PROM1: variants seen among roughly 807,000 people sequenced by gnomAD.
PROM1 encodes the protein prominin-1.
In PROM1, 105 loss-of-function variants were observed where a neutral mutation model predicts 116.9. That is an observed-to-expected ratio of 0.90 (90% CI 0.77 to 1.06). The LOEUF (loss-of-function observed/expected upper bound fraction) is 1.06, where lower values mean the gene tolerates loss of function less well. Ranked by LOEUF, PROM1 falls within the 50% of genes least tolerant of loss-of-function variation. The pLI, the probability that PROM1 is intolerant of heterozygous loss-of-function variation, is 0.00. For synonymous variants in PROM1, 393 were observed against 387.0 expected (o/e 1.02, Z -0.18); for missense variants, 1,122 against 1,045.2 (o/e 1.07, Z -1.01).
rs1249108943 is a variant in PROM1, at chr4:15,992,341, A to G, written c.1818T>C (p.Asn606=). ...TTCCTGCTGCACCCAACAGAAAGAT[A>G]TTAAGATTTACCTTCAGACTTTCCA... is the stretch of plus-strand genomic sequence containing the variant. ...SELESLKVNL[N]IFLLGAAGRK... The change falls in exon 17 of 28, where the codon AAT becomes AAC. Residue 606 remains asparagine, a synonymous_variant. Transcript: ENST00000447510. 5 of 1,613,972 alleles carry G rather than the reference A, an allele frequency of 3.1e-6. No homozygotes were observed. The highest frequency in any genetic ancestry group is 4.2e-6 in the Non-Finnish European group (5 of 1,179,868).
At chr4:15,980,606 A>ATTTTTTTTT (rs200645062) in intron 23 of PROM1, 69 bp from the exon 24 acceptor site, 1 of 639,302 alleles carries the variant, frequency 1.6e-6, no homozygotes, top group Non-Finnish European at 2.4e-6. Flanking sequence ...TGTTTGGGGG[A>ATTTTTTTTT]TTTTTTTTTT....
chr4:16,034,150 A>G (rs1733453563), intron 4 of PROM1, among the ~76,000 whole-genome samples: 1 of 152,210 alleles, frequency 6.6e-6, no homozygotes, highest in Non-Finnish European at 1.5e-5. Context: ...CAATCTACAT[A>G]TAAGGCGCTT....
rs1217220707 is a variant in PROM1, at chr4:15,987,648, A to G, written c.2130+15T>C. On this transcript the variant is annotated intron_variant, in intron 20 of 27. Transcript: ENST00000447510. ...ATAACAAAACCCCATGACAGAAAAC[A>G]AAGTAAACCCTTACCAACAATCCAT... is the stretch of plus-strand genomic sequence containing the variant. 3.1e-6 allele frequency: 5 copies of G among 1,606,586 alleles called. No individual in the cohort carries two copies. The highest frequency in any genetic ancestry group is 4.2e-6 in the Non-Finnish European group (5 of 1,176,538).
rs752643119 is a variant in PROM1 at position 16,013,280 on chromosome 4, A to G, written c.1136T>C (p.Val379Ala). ...DRVQRQTTTV[V>A]AGIKRVLNSI... Reference sequence around the variant, plus strand: ...CCTCAAACTGTGAATCTCACCTGCTACGACAGTCGTGGTTTGGCGTTGTAC... The same window carrying G: ...CCTCAAACTGTGAATCTCACCTGCTGCGACAGTCGTGGTTTGGCGTTGTAC... The change falls in exon 11 of 28, where the codon GTA (valine) becomes GCA (alanine). Residue 379 changes from valine (V) to alanine (A), a missense_variant. Val to Ala is a moderately conservative substitution (Grantham distance 64, BLOSUM62 0). Transcript: ENST00000447510. 4.4e-6 allele frequency: 7 copies of G among 1,603,072 alleles called. No homozygotes were observed. Among genetic ancestry groups the G allele is most frequent in the Non-Finnish European group, 6.0e-6 (7 of 1,170,014 alleles).
At chr4:16,011,251 T>C in intron 11 of PROM1, among the ~76,000 whole-genome samples, 1 of 152,274 alleles carries the variant, frequency 6.6e-6, no homozygotes, top group East Asian at 1.9e-4. Flanking sequence ...CTTGTTTCCC[T>C]GACACAAACC....
intron 2 of PROM1, among the ~76,000 whole-genome samples, chr4:16,061,458 G>A (rs1210915770): frequency 6.6e-6 from 1 of 152,148 alleles, no homozygotes; most frequent in Non-Finnish European, 1.5e-5. Context: ...TGATTCAAAT[G>A]TATGTATACA....
At chr4:16,015,387 A>C (rs1221480982) in intron 10 of PROM1, among the ~76,000 whole-genome samples, 1 of 142,732 alleles carries the variant, frequency 7.0e-6, no homozygotes, top group Non-Finnish European at 1.5e-5. Flanking sequence ...GTGATATATG[A>C]AGCTTAAAAA....
At chr4:16,042,534 G>T (rs142984150) in intron 2 of PROM1, among the ~76,000 whole-genome samples, 1 of 152,112 alleles carries the variant, frequency 6.6e-6, no homozygotes, top group African/African-American at 2.4e-5. Flanking sequence ...CTGACTTCAC[G>T]ACTATGTGCT....
At chr4:16,061,026 A>ATTACTGTTAAGTAG (rs1740188330) in intron 2 of PROM1, among the ~76,000 whole-genome samples, 1 of 152,150 alleles carries the variant, frequency 6.6e-6, no homozygotes, top group Non-Finnish European at 1.5e-5. Context: ...CAGATATTTA[A>ATTACTGTTAAGTAG]TTACTGTTAA....
chr4:16,005,345 A>G lies in PROM1; in HGVS notation c.1454+1193T>C, dbSNP rs185862801. Among the ~76,000 whole-genome samples, 10 of 152,270 alleles carry G rather than the reference A, an allele frequency of 6.6e-5. 1 individual carries two copies. The highest frequency in any genetic ancestry group is 6.5e-4 in the Admixed American group (10 of 15,290). ...TCTTTGTCCAGCCCTGGTAGACCTCAGGTCATTAGCTCTAAGGTGATTTTA... is the reference window on the plus strand; with the variant it reads ...TCTTTGTCCAGCCCTGGTAGACCTCGGGTCATTAGCTCTAAGGTGATTTTA... On this transcript the variant is annotated intron_variant, in intron 13 of 27. Coordinates refer to ENST00000447510, the MANE Select transcript of PROM1 (RefSeq NM_006017.3).
intron 26 of PROM1, among the ~76,000 whole-genome samples, chr4:15,974,510 CTTAT>C (rs1715580620): frequency 6.6e-6 from 1 of 152,186 alleles, no homozygotes; most frequent in Admixed American, 6.5e-5. Context: ...CTTCATGGTT[CTTAT>C]TTAAGAGAAT....
chr4:16,033,291 A>T lies in PROM1; in HGVS notation c.509+13T>A. The T allele has an allele frequency of 6.3e-7, 1 of 1,599,938 alleles. No individual in the cohort carries two copies. The highest frequency in any genetic ancestry group is 8.6e-7 in the Non-Finnish European group (1 of 1,169,372). On this transcript the variant is annotated intron_variant, in intron 5 of 27. Transcript: ENST00000447510. ...CTAAAACACAATCAGTTGTTGTCCA[A>T]TATTGTACTTGCCTTATTATTATAC...
chr4:15,996,957 T>C (rs1306286637), intron 15 of PROM1, among the ~76,000 whole-genome samples: 1 of 152,098 alleles, frequency 6.6e-6, no homozygotes, highest in African/African-American at 2.4e-5. Flanking sequence ...GAACACACCA[T>C]GTTAACACAC....
chr4:16,047,426 A>G (rs528943351), intron 2 of PROM1, among the ~76,000 whole-genome samples: 1 of 151,918 alleles, frequency 6.6e-6, no homozygotes, highest in African/African-American at 2.4e-5. Context: ...GCTAGTCTAG[A>G]ACTCCTGACT....
At chr4:15,989,694 C>T in intron 19 of PROM1, 38 bp downstream of exon 19, 2 of 1,505,048 alleles carry the variant, frequency 1.3e-6, no homozygotes, top group Non-Finnish European at 1.8e-6. Flanking sequence ...AGATTTTGCT[C>T]AGGTCACAGT....
intron 2 of PROM1, among the ~76,000 whole-genome samples, chr4:16,072,960 A>G (rs942395401): frequency 6.6e-6 from 1 of 152,076 alleles, no homozygotes; most frequent in Non-Finnish European, 1.5e-5. Flanking sequence ...TTCATCTTCT[A>G]CCCGACCAAT....
intron 2 of PROM1, among the ~76,000 whole-genome samples, chr4:16,050,433 A>C (rs1370140838): frequency 6.6e-6 from 1 of 152,200 alleles, no homozygotes; most frequent in African/African-American, 2.4e-5. Flanking sequence ...GGCTCACTGC[A>C]TACATGATCT....
At chr4:16,024,895 TC>T in intron 6 of PROM1, among the ~76,000 whole-genome samples, 1 of 152,342 alleles carries the variant, frequency 6.6e-6, no homozygotes, top group Middle Eastern at 3.4e-3. Context: ...CCAAAAACTT[TC>T]ATTTTTTTAA....
chr4:15,975,456 T>C (rs1302626573), intron 26 of PROM1, among the ~76,000 whole-genome samples: 1 of 152,196 alleles, frequency 6.6e-6, no homozygotes, highest in Admixed American at 6.5e-5. Context: ...CCTGACCTTG[T>C]GATTTGCCTG....
Sources: gnomAD v4.1 joint callset for allele counts (sites outside exome capture counted in the v4.1 genomes callset) on GRCh38, gnomAD v4.1.1 for gene constraint, MANE v1.5 for transcripts, NCBI Gene and HGNC (gene_info 2026-07-23, HGNC 2026-07-21) for gene names.